BTBD9: variants seen among roughly 807,000 people sequenced by gnomAD.
The protein encoded by BTBD9 is BTB domain containing 9.
A neutral mutation model predicts 64.3 loss-of-function variants in BTBD9; 49 were observed. That is an observed-to-expected ratio of 0.76 (90% CI 0.61 to 0.97). The LOEUF (loss-of-function observed/expected upper bound fraction) is 0.97, where lower values mean the gene tolerates loss of function less well. Among genes scored for constraint, BTBD9 ranks in the 50% least tolerant of loss-of-function variants. The pLI is 0.00. For missense variants in BTBD9, 598 were observed against 762.1 expected (o/e 0.78, Z 2.53); for synonymous variants, 260 against 274.7 (o/e 0.95, Z 0.53).
At chr6:38,527,086 C>G (rs571606038) in intron 6 of BTBD9, among the ~76,000 whole-genome samples, 1 of 151,656 alleles carries the variant, frequency 6.6e-6, no homozygotes, top group South Asian at 2.1e-4. Context: ...ACCAGCCTGG[C>G]CAACATAGTG....
intron 6 of BTBD9, among the ~76,000 whole-genome samples, chr6:38,569,792 T>A (rs1775679544): frequency 6.6e-6 from 1 of 152,110 alleles, no homozygotes; most frequent in African/African-American, 2.4e-5. Context: ...TTTGGGGGAT[T>A]TTTTTGCTAT....
chr6:38,392,261 G>A (rs1766452409), intron 6 of BTBD9, among the ~76,000 whole-genome samples: 1 of 151,610 alleles, frequency 6.6e-6, no homozygotes, highest in Non-Finnish European at 1.5e-5. Flanking sequence ...GAAGAAAAGG[G>A]AATGCTTTAA....
intron 6 of BTBD9, among the ~76,000 whole-genome samples, chr6:38,563,844 C>T (rs975639494): frequency 1.3e-5 from 2 of 148,588 alleles, no homozygotes; most frequent in African/African-American, 5.0e-5. Flanking sequence ...TGCAGTGGCA[C>T]GATCTTGGCT....
chr6:38,468,159 G>A (rs1770481847), intron 6 of BTBD9, among the ~76,000 whole-genome samples: 1 of 152,134 alleles, frequency 6.6e-6, no homozygotes, highest in East Asian at 1.9e-4. Flanking sequence ...GATTACAGGT[G>A]TAAACCACCA....
rs1766944595 is a variant in BTBD9, at chr6:38,175,149, G to A, written c.1675C>T (p.Gln559Ter). ...FHCVHFECPE[Q>*]QSSQKEENSE... is the part of the protein sequence containing the mutation. ...TTTTCCTCCTTCTGGCTGCTCTGCT[G>A]CTCTGGACACTCAAAGTGGACACAG... The change falls in exon 11 of 11, where the codon CAG becomes TAG. Residue 559 changes from glutamine (Q) to a stop codon, truncating the protein, a stop_gained. Coordinates refer to ENST00000481247, the MANE Select transcript of BTBD9 (RefSeq NM_001099272.2). LOFTEE classifies it high-confidence loss of function. 3 of 1,614,128 alleles carry A rather than the reference G, an allele frequency of 1.9e-6. No individual in the cohort carries two copies. Among genetic ancestry groups the A allele is most frequent in the South Asian group, 2.2e-5 (2 of 91,078 alleles).
intron 6 of BTBD9, among the ~76,000 whole-genome samples, chr6:38,515,711 A>G (rs1480133589): frequency 2.6e-5 from 4 of 152,202 alleles, no homozygotes; most frequent in Non-Finnish European, 5.9e-5. Flanking sequence ...TATTATGTCT[A>G]TTATTCTTGG....
At chr6:38,580,141 TA>T in intron 5 of BTBD9, 76 bp downstream of exon 5, 1 of 1,397,640 alleles carries the variant, frequency 7.2e-7, no homozygotes, top group Non-Finnish European at 9.9e-7. Context: ...ATCATATCTG[TA>T]AAACAAAAGT....
Position 38,466,417 on chromosome 6 carries a change from G to A in BTBD9, c.1154+111183C>T, listed in dbSNP as rs370419180. On this transcript the variant is annotated intron_variant, in intron 6 of 10. Transcript: ENST00000481247. Reference sequence around the variant, plus strand: ...AGCAATTCTCCTGCGTCAGCTTCCCGAGTAGCTGAGACTATAGGCATGTAT... The same window carrying A: ...AGCAATTCTCCTGCGTCAGCTTCCCAAGTAGCTGAGACTATAGGCATGTAT... Among the ~76,000 whole-genome samples, 5 of 149,394 alleles carry A rather than the reference G, an allele frequency of 3.3e-5. No individual in the cohort carries two copies. In the South Asian group the frequency reaches 6.5e-4, roughly 19 times the overall value.
intron 6 of BTBD9, among the ~76,000 whole-genome samples, chr6:38,374,323 A>ATATATATATATATATATATATG: frequency 8.2e-6 from 1 of 121,812 alleles, no homozygotes; most frequent in African/African-American, 3.3e-5. Flanking sequence ...ATATATATAT[A>ATATATATATATATATATATATG]TATGTATATA....
chr6:38,426,620 C>T (rs928905385), intron 6 of BTBD9, among the ~76,000 whole-genome samples: 4 of 151,840 alleles, frequency 2.6e-5, no homozygotes, highest in Non-Finnish European at 5.9e-5. Flanking sequence ...TCCAGCGAGG[C>T]GCCTATTGCC....
chr6:38,403,026 T>C lies in BTBD9; in HGVS notation c.1155-57933A>G, dbSNP rs539966990. 5.8e-4 allele frequency: 276 copies of C among 474,050 alleles called. 1 individual carries two copies. The highest frequency in any genetic ancestry group is 3.3e-3 in the South Asian group (135 of 40,950). The allele number at this position is 474,050 out of a possible 1,614,324, so 29.4% of individuals were successfully genotyped here. On this transcript the variant is annotated intron_variant, in intron 6 of 10. Transcript: ENST00000481247. ...ACACAGAGGCTGCAGTGAGCTATCA[T>C]TGCACTCCAGCCTGGGTGATAGAGT...
intron 6 of BTBD9, among the ~76,000 whole-genome samples, chr6:38,489,904 G>A (rs1245442603): frequency 6.6e-6 from 1 of 152,106 alleles, no homozygotes; most frequent in East Asian, 1.9e-4. Context: ...AATATTGTAT[G>A]TTTCCCACTT....
At chr6:38,192,024 C>A (rs553493668) in intron 10 of BTBD9, among the ~76,000 whole-genome samples, 2 of 152,336 alleles carry the variant, frequency 1.3e-5, no homozygotes, top group African/African-American at 4.8e-5. Context: ...TTATGTTTCT[C>A]ATCTACCTGT....
chr6:38,223,486 A>G (rs1763285761), intron 9 of BTBD9, among the ~76,000 whole-genome samples: 1 of 152,138 alleles, frequency 6.6e-6, no homozygotes, highest in Admixed American at 6.5e-5. Context: ...GGCACGAGCC[A>G]CCATGTCTGG....
intron 10 of BTBD9, 31 bp from the exon 11 acceptor site, chr6:38,175,213 T>G (rs1161877886): frequency 7.4e-6 from 12 of 1,612,020 alleles, no homozygotes; most frequent in Non-Finnish European, 1.0e-5. Flanking sequence ...ACCCCATGAG[T>G]GAAGGGTCAG....
chr6:38,560,956 A>C (rs1311343422), intron 6 of BTBD9, among the ~76,000 whole-genome samples: 1 of 152,204 alleles, frequency 6.6e-6, no homozygotes. Context: ...GTGTATATGT[A>C]CCACATTTTC....
At chr6:38,477,858 G>A (rs1582495569) in intron 6 of BTBD9, among the ~76,000 whole-genome samples, 1 of 152,326 alleles carries the variant, frequency 6.6e-6, no homozygotes, top group Non-Finnish European at 1.5e-5. Context: ...ATCAAGTAAA[G>A]CCATCAGTGG....
At chr6:38,214,891 G>C (rs1762961333) in intron 9 of BTBD9, among the ~76,000 whole-genome samples, 1 of 152,178 alleles carries the variant, frequency 6.6e-6, no homozygotes, top group Admixed American at 6.5e-5. Context: ...CACCGTACCA[G>C]TCCCCTGCCC....
At chr6:38,313,028 A>G (rs1421461899) in intron 7 of BTBD9, among the ~76,000 whole-genome samples, 1 of 152,160 alleles carries the variant, frequency 6.6e-6, no homozygotes, top group Non-Finnish European at 1.5e-5. Flanking sequence ...TGATTCTTTC[A>G]ATCCATGGAC....
Sources: allele counts gnomAD v4.1 joint callset (sites outside exome capture counted in the v4.1 genomes callset), GRCh38; gene constraint gnomAD v4.1.1; transcripts MANE v1.5; gene names NCBI Gene and HGNC (gene_info 2026-07-23, HGNC 2026-07-21).